Variants in SLC8A1 observed in about 807,000 individuals in gnomAD.
The protein encoded by SLC8A1 is sodium/calcium exchanger 1.
Under a neutral mutation model 68.3 loss-of-function variants are expected in SLC8A1, and 18 were observed. The ratio of observed to expected loss-of-function variants is 0.26; its 90% CI spans 0.18 to 0.39. The LOEUF (loss-of-function observed/expected upper bound fraction) is 0.39, where lower values mean the gene tolerates loss of function less well. Ranked by LOEUF, SLC8A1 falls within the 10% of genes least tolerant of loss-of-function variation. SLC8A1 has a pLI of 1.00. For missense variants in SLC8A1, 985 were observed against 1,156.7 expected, an observed-to-expected ratio of 0.85 and a Z score of 2.15; for synonymous variants, 475 against 415.5, an observed-to-expected ratio of 1.14 and a Z score of -1.74.
chr2:40,098,750 A>T (rs944887156), exon 8 of SLC8A1: 4 of 152,052 alleles, frequency 2.6e-5, no homozygotes, highest in African/African-American at 9.7e-5. Flanking sequence ...TCTGTGTACT[A>T]CATTGGCTTA....
intron 2 of SLC8A1, among the ~76,000 whole-genome samples, chr2:40,414,126 G>A (rs1693068760): frequency 6.6e-6 from 1 of 152,150 alleles, no homozygotes; most frequent in African/African-American, 2.4e-5. Flanking sequence ...TGCTCTTCAA[G>A]CATTTTATGA....
At chr2:40,447,133 C>T (rs1701590586) in intron 1 of SLC8A1, among the ~76,000 whole-genome samples, 1 of 152,144 alleles carries the variant, frequency 6.6e-6, no homozygotes, top group African/African-American at 2.4e-5. Flanking sequence ...TTTCCTAGAT[C>T]TATTACATGT....
intron 2 of SLC8A1, among the ~76,000 whole-genome samples, chr2:40,216,838 T>A (rs149086053): frequency 6.6e-6 from 1 of 152,204 alleles, no homozygotes; most frequent in Non-Finnish European, 1.5e-5. Flanking sequence ...CGCCCACTTT[T>A]TGATGGGGTT....
intron 1 of SLC8A1, among the ~76,000 whole-genome samples, chr2:40,490,026 C>G (rs1304479463): frequency 6.6e-6 from 1 of 152,080 alleles, no homozygotes; most frequent in Non-Finnish European, 1.5e-5. Context: ...GCACCAAAAA[C>G]TATCTTTTCC....
chr2:40,119,968 A>G (rs539183470), intron 7 of SLC8A1, among the ~76,000 whole-genome samples: 1 of 152,328 alleles, frequency 6.6e-6, no homozygotes, highest in South Asian at 2.1e-4. Flanking sequence ...AGTTCATGGT[A>G]TATTACCTTG....
chr2:40,324,905 A>C (rs535370371), intron 2 of SLC8A1, among the ~76,000 whole-genome samples: 3 of 152,296 alleles, frequency 2.0e-5, no homozygotes, highest in Admixed American at 2.0e-4. Context: ...ACCTCCTTGC[A>C]GTGCAACAAC....
intron 2 of SLC8A1, among the ~76,000 whole-genome samples, chr2:40,322,772 T>C (rs2075355653): frequency 6.6e-6 from 1 of 151,562 alleles, no homozygotes. Context: ...AGAAATAAGA[T>C]GATTATAATA....
intron 2 of SLC8A1, among the ~76,000 whole-genome samples, chr2:40,404,306 T>G (rs1168865843): frequency 6.6e-6 from 1 of 152,208 alleles, no homozygotes; most frequent in Non-Finnish European, 1.5e-5. Context: ...ATGCCTATGA[T>G]GGTCAAACTT....
chr2:40,378,545 G>A (rs916365871), intron 2 of SLC8A1, among the ~76,000 whole-genome samples: 1 of 152,106 alleles, frequency 6.6e-6, no homozygotes, highest in Non-Finnish European at 1.5e-5. Context: ...AGAGTTTTGA[G>A]CAGAGGAGTG....
intron 2 of SLC8A1, among the ~76,000 whole-genome samples, chr2:40,344,565 T>G (rs115360083): frequency 7.9e-5 from 12 of 152,258 alleles, no homozygotes; most frequent in Middle Eastern, 3.4e-3. Flanking sequence ...TGTAAACTAT[T>G]AGAGAGAAAA....
chr2:40,141,789 G>T (rs917456961), intron 6 of SLC8A1, among the ~76,000 whole-genome samples: 2 of 152,150 alleles, frequency 1.3e-5, no homozygotes, highest in Non-Finnish European at 2.9e-5. Flanking sequence ...TGAAAACAGA[G>T]CCATTAGGGT....
At chr2:40,229,943 A>G (rs1283054385) in intron 2 of SLC8A1, among the ~76,000 whole-genome samples, 5 of 152,198 alleles carry the variant, frequency 3.3e-5, no homozygotes, top group South Asian at 2.1e-4. Flanking sequence ...ATGGAATCAC[A>G]TATCTTTTAT....
chr2:40,200,245 T>TATATATATAAATATATATATAA (rs2054061449), intron 2 of SLC8A1, among the ~76,000 whole-genome samples: 6 of 16,850 alleles, frequency 3.6e-4, no homozygotes, highest in African/African-American at 9.0e-4. Context: ...TATAAATATA[T>TATATATATAAATATATATATAA]ATATATATAT....
intron 2 of SLC8A1, among the ~76,000 whole-genome samples, chr2:40,320,184 C>T (rs1373789151): frequency 6.6e-6 from 1 of 152,088 alleles, no homozygotes; most frequent in Non-Finnish European, 1.5e-5. Flanking sequence ...AATGTAAGTG[C>T]CACATACTAC....
intron 2 of SLC8A1, among the ~76,000 whole-genome samples, chr2:40,233,351 G>GA (rs1162825706): frequency 2.0e-5 from 3 of 152,106 alleles, no homozygotes; most frequent in Admixed American, 6.6e-5. Context: ...GGCCAGTGAT[G>GA]ATGAGCATTT....
chr2:40,458,039 T>G (rs1703126654), intron 1 of SLC8A1, among the ~76,000 whole-genome samples: 1 of 152,138 alleles, frequency 6.6e-6, no homozygotes, highest in Non-Finnish European at 1.5e-5. Flanking sequence ...TGGGCACTGT[T>G]TTGTTTTGTT....
chr2:40,261,477 T>C (rs1210909412), intron 2 of SLC8A1, among the ~76,000 whole-genome samples: 1 of 152,214 alleles, frequency 6.6e-6, no homozygotes, highest in Non-Finnish European at 1.5e-5. Flanking sequence ...TCAAACAATA[T>C]GTGATGAAAA....
intron 2 of SLC8A1, among the ~76,000 whole-genome samples, chr2:40,296,763 G>C (rs370969780): frequency 2.4e-4 from 37 of 152,270 alleles, no homozygotes; most frequent in African/African-American, 8.2e-4. Context: ...GGAAACGTTT[G>C]TTGATGCTGA....
At chr2:40,398,594 A>T (rs1157222423) in intron 2 of SLC8A1, among the ~76,000 whole-genome samples, 1 of 152,250 alleles carries the variant, frequency 6.6e-6, no homozygotes, top group Admixed American at 6.5e-5. Context: ...TATTTTTATA[A>T]AAATGCAATC....
Sources: allele counts gnomAD v4.1 joint callset (sites outside exome capture counted in the v4.1 genomes callset), GRCh38; gene constraint gnomAD v4.1.1; transcripts MANE v1.5; gene names NCBI Gene and HGNC (gene_info 2026-07-23, HGNC 2026-07-21).